The following NLGN1 variants were observed in gnomAD, a reference collection of about 807,000 sequenced individuals.
NLGN1 encodes neuroligin-1.
NLGN1 carries 12 observed loss-of-function variants against 65.5 expected under a neutral mutation model. That is an observed-to-expected ratio of 0.18 (90% CI 0.12 to 0.30). The LOEUF is 0.30. Among genes scored for constraint, NLGN1 ranks in the 10% least tolerant of loss-of-function variants. The pLI is 1.00. For missense variants in NLGN1, 750 were observed against 1,007.1 expected, an observed-to-expected ratio of 0.74 and a Z score of 3.46; for synonymous variants, 350 against 359.5, an observed-to-expected ratio of 0.97 and a Z score of 0.30.
intron 4 of NLGN1, among the ~76,000 whole-genome samples, chr3:173,904,457 C>CT (rs377707476): frequency 4.0e-5 from 6 of 150,806 alleles, no homozygotes; most frequent in Admixed American, 1.3e-4. Flanking sequence ...ATTTTTCTTC[C>CT]TTTTTTTTCT....
At chr3:173,628,427 C>T (rs1179331017) in intron 3 of NLGN1, among the ~76,000 whole-genome samples, 2 of 151,898 alleles carry the variant, frequency 1.3e-5, no homozygotes, top group African/African-American at 2.4e-5. Context: ...AGAGGTATTG[C>T]ACTATGATTC....
chr3:174,146,732 T>C (rs1299507742), intron 4 of NLGN1, among the ~76,000 whole-genome samples: 3 of 152,008 alleles, frequency 2.0e-5, no homozygotes, highest in African/African-American at 7.3e-5. Flanking sequence ...TGCGCCGGGC[T>C]AATTTTTGTA....
chr3:173,568,710 C>G (rs1211035911), intron 2 of NLGN1, among the ~76,000 whole-genome samples: 3 of 152,144 alleles, frequency 2.0e-5, no homozygotes, highest in Non-Finnish European at 4.4e-5. Context: ...GAATCTCGCT[C>G]TGTTGCCCAG....
intron 4 of NLGN1, among the ~76,000 whole-genome samples, chr3:174,136,201 TG>T (rs368290777): frequency 1.3e-5 from 2 of 152,112 alleles, no homozygotes; most frequent in South Asian, 2.1e-4. Context: ...AATACATATC[TG>T]ATATATTGGT....
At chr3:174,209,623 CTTT>C (rs796169913) in intron 4 of NLGN1, among the ~76,000 whole-genome samples, 3 of 82,070 alleles carry the variant, frequency 3.7e-5, no homozygotes, top group African/African-American at 4.9e-5. Context: ...ACCTTTCTTT[CTTT>C]TTTTTTTTTT....
intron 3 of NLGN1, among the ~76,000 whole-genome samples, chr3:173,741,220 A>G (rs1437275527): frequency 1.3e-5 from 2 of 152,122 alleles, no homozygotes; most frequent in East Asian, 3.9e-4. Flanking sequence ...AGTGGTATCA[A>G]TTTTATTCTG....
chr3:173,854,823 T>C (rs1276940131), intron 4 of NLGN1, among the ~76,000 whole-genome samples: 1 of 152,096 alleles, frequency 6.6e-6, no homozygotes, highest in African/African-American at 2.4e-5. Context: ...AGGTGATGTT[T>C]AGCAGGGTGA....
At chr3:173,564,562 G>A (rs1224231457) in intron 2 of NLGN1, among the ~76,000 whole-genome samples, 3 of 152,138 alleles carry the variant, frequency 2.0e-5, no homozygotes, top group Non-Finnish European at 4.4e-5. Flanking sequence ...GAGCATGTAA[G>A]ATCCAGTGTA....
chr3:173,874,669 C>T (rs1394659906), intron 4 of NLGN1, among the ~76,000 whole-genome samples: 1 of 152,120 alleles, frequency 6.6e-6, no homozygotes, highest in African/African-American at 2.4e-5. Context: ...TTTTCCCCCT[C>T]ATCCAAGTTC....
chr3:174,046,941 A>C (rs979338665), intron 4 of NLGN1, among the ~76,000 whole-genome samples: 20 of 152,062 alleles, frequency 1.3e-4, no homozygotes, highest in Admixed American at 6.6e-5. Flanking sequence ...TGGAAGTATT[A>C]AAAATAAATC....
chr3:174,058,551 A>G (rs925322214), intron 4 of NLGN1, among the ~76,000 whole-genome samples: 3 of 152,140 alleles, frequency 2.0e-5, no homozygotes, highest in African/African-American at 4.8e-5. Context: ...AGATACTCGT[A>G]TACATTTGTT....
intron 4 of NLGN1, among the ~76,000 whole-genome samples, chr3:174,034,683 T>C (rs1730744750): frequency 1.3e-5 from 2 of 152,204 alleles, no homozygotes; most frequent in Admixed American, 6.5e-5. Flanking sequence ...TAAAGAAATA[T>C]AGTTGATAAA....
chr3:174,213,780 G>A (rs1484774528), intron 4 of NLGN1, among the ~76,000 whole-genome samples: 3 of 152,060 alleles, frequency 2.0e-5, no homozygotes, highest in Non-Finnish European at 1.5e-5. Flanking sequence ...GGGATTAAAA[G>A]TAAAATTTAA....
At chr3:173,445,246 C>T (rs570868111) in intron 2 of NLGN1, among the ~76,000 whole-genome samples, 58 of 119,562 alleles carry the variant, frequency 4.9e-4, no homozygotes, top group African/African-American at 1.7e-3. Flanking sequence ...CCAGCCTGGG[C>T]GACAGAGCGA....
intron 4 of NLGN1, among the ~76,000 whole-genome samples, chr3:173,832,881 C>G (rs1722881260): frequency 6.6e-6 from 1 of 151,962 alleles, no homozygotes; most frequent in Admixed American, 6.6e-5. Context: ...ATTTCTTACA[C>G]AAATAAGTCT....
chr3:173,738,199 A>C (rs542100864), intron 3 of NLGN1, among the ~76,000 whole-genome samples: 15 of 151,824 alleles, frequency 9.9e-5, no homozygotes, highest in Non-Finnish European at 2.1e-4. Context: ...TTTTATGTGT[A>C]GTCTTTTCAT....
intron 4 of NLGN1, among the ~76,000 whole-genome samples, chr3:173,985,648 T>G (rs1719717868): frequency 6.6e-6 from 1 of 152,184 alleles, no homozygotes; most frequent in African/African-American, 2.4e-5. Context: ...TAATAAAGTA[T>G]TTTTAAAAAA....
chr3:173,616,547 G>A (rs1753118654), intron 3 of NLGN1, among the ~76,000 whole-genome samples: 1 of 152,094 alleles, frequency 6.6e-6, no homozygotes, highest in Non-Finnish European at 1.5e-5. Flanking sequence ...AATAAGTGAG[G>A]TATTACTAAT....
intron 3 of NLGN1, among the ~76,000 whole-genome samples, chr3:173,781,290 A>C (rs189518309): frequency 6.6e-6 from 1 of 152,284 alleles, no homozygotes; most frequent in East Asian, 1.9e-4. Flanking sequence ...ATATCTGTGT[A>C]TATTTAAACA....
Sources: allele counts gnomAD v4.1 joint callset (sites outside exome capture counted in the v4.1 genomes callset), GRCh38; gene constraint gnomAD v4.1.1; transcripts MANE v1.5; gene names NCBI Gene and HGNC (gene_info 2026-07-23, HGNC 2026-07-21).